The following NSMCE2 variants were observed in gnomAD, a reference collection of about 807,000 sequenced individuals.
NSMCE2 encodes NSE2 SUMO ligase component of SMC5/6 complex.
A neutral mutation model predicts 23.8 loss-of-function variants in NSMCE2; 24 were observed. The observed-to-expected ratio is 1.01, with a 90% CI of 0.73 to 1.42. The LOEUF (loss-of-function observed/expected upper bound fraction) is 1.42. Among genes scored for constraint, NSMCE2 ranks in the 40% most tolerant of loss-of-function variants. The pLI is 0.00. For missense variants in NSMCE2, 284 were observed against 296.5 expected (o/e 0.96, Z 0.31); for synonymous variants, 92 against 94.1 (o/e 0.98, Z 0.13).
chr8:125,108,071 C>T (rs1050899298), intron 3 of NSMCE2, among the ~76,000 whole-genome samples: 1 of 151,976 alleles, frequency 6.6e-6, no homozygotes, highest in Non-Finnish European at 1.5e-5. Context: ...AAAATAGTTT[C>T]GACCCATGGA....
intron 5 of NSMCE2, among the ~76,000 whole-genome samples, chr8:125,275,818 T>C (rs1827428276): frequency 6.6e-6 from 1 of 152,160 alleles, no homozygotes; most frequent in African/African-American, 2.4e-5. Flanking sequence ...TTAAGTGACA[T>C]AATGAGCTAG....
intron 5 of NSMCE2, among the ~76,000 whole-genome samples, chr8:125,349,702 G>A (rs80343391): frequency 1.7e-3 from 262 of 152,298 alleles, no homozygotes; most frequent in African/African-American, 5.6e-3. Context: ...GCCAAATTTG[G>A]GATGCCTGAA....
At chr8:125,111,349 C>A (rs1179613932) in intron 3 of NSMCE2, among the ~76,000 whole-genome samples, 1 of 152,006 alleles carries the variant, frequency 6.6e-6, no homozygotes, top group Non-Finnish European at 1.5e-5. Context: ...GGGTAAGATT[C>A]TAGTTTTGTT....
chr8:125,116,632 A>G (rs1268786367), intron 3 of NSMCE2, among the ~76,000 whole-genome samples: 2 of 152,134 alleles, frequency 1.3e-5, no homozygotes, highest in African/African-American at 2.4e-5. Context: ...GACAAAATAA[A>G]AACTAATCAA....
intron 5 of NSMCE2, among the ~76,000 whole-genome samples, chr8:125,266,936 G>T (rs578153709): frequency 6.6e-6 from 1 of 151,298 alleles, no homozygotes; most frequent in Non-Finnish European, 1.5e-5. Flanking sequence ...ATAAATAAAG[G>T]TAATCTGAAC....
intron 1 of NSMCE2, among the ~76,000 whole-genome samples, chr8:125,095,311 T>C (rs1817875773): frequency 6.6e-6 from 1 of 152,180 alleles, no homozygotes; most frequent in Non-Finnish European, 1.5e-5. Context: ...ATACTTCTGC[T>C]GATCATGGTG....
chr8:125,297,260 A>C (rs1227681113), intron 5 of NSMCE2, among the ~76,000 whole-genome samples: 1 of 152,230 alleles, frequency 6.6e-6, no homozygotes, highest in African/African-American at 2.4e-5. Flanking sequence ...TCTTCAAGCC[A>C]GCAGTCATCT....
intron 5 of NSMCE2, among the ~76,000 whole-genome samples, chr8:125,319,821 A>G (rs72720592): frequency 0.093 from 14,074 of 152,148 alleles, 729 homozygotes; most frequent in South Asian, 0.16. Context: ...TCAAGGAGTC[A>G]CATATATGTT....
intron 4 of NSMCE2, among the ~76,000 whole-genome samples, chr8:125,152,107 A>G (rs1479259846): frequency 6.6e-6 from 1 of 152,240 alleles, no homozygotes; most frequent in Non-Finnish European, 1.5e-5. Flanking sequence ...TGAAATGAGC[A>G]TTATATAGTT....
intron 5 of NSMCE2, among the ~76,000 whole-genome samples, chr8:125,322,260 C>G (rs1020208497): frequency 6.6e-6 from 1 of 151,794 alleles, no homozygotes; most frequent in Admixed American, 6.6e-5. Flanking sequence ...TCTAGCTACT[C>G]GGGAGGCTGA....
chr8:125,333,463 C>T (rs993738471), intron 5 of NSMCE2, among the ~76,000 whole-genome samples: 22 of 149,204 alleles, frequency 1.5e-4, no homozygotes, highest in African/African-American at 3.7e-4. Context: ...CAAGCCACCA[C>T]GCCTTGCTAG....
At chr8:125,260,402 G>C (rs1020031345) in intron 5 of NSMCE2, among the ~76,000 whole-genome samples, 1 of 151,996 alleles carries the variant, frequency 6.6e-6, no homozygotes, top group African/African-American at 2.4e-5. Context: ...ACAGTGTAGG[G>C]CGGTTCATTT....
At chr8:125,130,314 C>A (rs770259642) in intron 3 of NSMCE2, 1 of 455,726 alleles carries the variant, frequency 2.2e-6, no homozygotes, top group Non-Finnish European at 4.4e-6. Flanking sequence ...ACCTTGATCA[C>A]CTGGCCCTAG....
intron 4 of NSMCE2, among the ~76,000 whole-genome samples, chr8:125,179,962 C>T (rs1160692153): frequency 6.6e-6 from 1 of 152,236 alleles, no homozygotes; most frequent in African/African-American, 2.4e-5. Context: ...TGACAAGGCT[C>T]ACCTGAATGT....
chr8:125,205,030 C>G lies in NSMCE2; in HGVS notation c.418+22774C>G, dbSNP rs368454998. ...TATTTCACTTTCTCACCGCTCTCCT[C>G]TCTAGCCCTTGGAATCCAAACACTT... On this transcript the variant is annotated intron_variant, in intron 5 of 7. Transcript: ENST00000287437. 2.0e-4 allele frequency among the ~76,000 whole-genome samples: 31 copies of G among 152,328 alleles called. No homozygotes were observed. The East Asian group carries it at 2.5e-3, about 12-fold the overall frequency.
intron 7 of NSMCE2, among the ~76,000 whole-genome samples, chr8:125,358,540 T>C (rs1344904817): frequency 6.6e-6 from 1 of 152,104 alleles, no homozygotes; most frequent in African/African-American, 2.4e-5. Context: ...TTCCTTCCCC[T>C]TCTTCCATGA....
chr8:125,178,025 T>C (rs1322242572), intron 4 of NSMCE2, among the ~76,000 whole-genome samples: 3 of 152,198 alleles, frequency 2.0e-5, no homozygotes, highest in Non-Finnish European at 4.4e-5. Context: ...GAGTTGGTGA[T>C]TCTGCTTCTA....
chr8:125,215,786 T>G (rs1386483070), intron 5 of NSMCE2, among the ~76,000 whole-genome samples: 2 of 152,242 alleles, frequency 1.3e-5, no homozygotes, highest in Non-Finnish European at 2.9e-5. Flanking sequence ...ATTTATTAAA[T>G]CGGGTTCTAT....
chr8:125,193,501 C>T (rs1326677241), intron 5 of NSMCE2, among the ~76,000 whole-genome samples: 1 of 152,156 alleles, frequency 6.6e-6, no homozygotes, highest in Non-Finnish European at 1.5e-5. Flanking sequence ...CTGGTTGTAG[C>T]ATTATGCTTC....
Sources: gnomAD v4.1 joint callset for allele counts (sites outside exome capture counted in the v4.1 genomes callset) on GRCh38, gnomAD v4.1.1 for gene constraint, MANE v1.5 for transcripts, NCBI Gene and HGNC (gene_info 2026-07-23, HGNC 2026-07-21) for gene names.